Variants in TIAM1 observed in about 807,000 individuals in gnomAD.
TIAM1 encodes rho guanine nucleotide exchange factor TIAM1.
Under a neutral mutation model 163.5 loss-of-function variants are expected in TIAM1, and 65 were observed. The ratio of observed to expected loss-of-function variants is 0.40; its 90% confidence interval spans 0.33 to 0.49. The LOEUF (loss-of-function observed/expected upper bound fraction) is 0.49, where lower values mean the gene tolerates loss of function less well. Among genes scored for constraint, TIAM1 ranks in the 20% least tolerant of loss-of-function variants. The probability of loss-of-function intolerance (pLI) is 0.77; values close to 1 mark genes in which losing one functional copy is unlikely to be tolerated. For missense variants in TIAM1, 1,789 were observed against 2,044.7 expected, an observed-to-expected ratio of 0.87 and a Z score of 2.41; for synonymous variants, 833 against 810.1, an observed-to-expected ratio of 1.03 and a Z score of -0.48.
At chr21:31,165,094 G>A (rs1464972235) in intron 15 of TIAM1, 29 bp from the exon 16 acceptor site, 4 of 1,608,634 alleles carry the variant, frequency 2.5e-6, no homozygotes, top group East Asian at 4.5e-5. Context: ...AGAAAATGTG[G>A]GTCAACATGG....
At chr21:31,172,301 G>C (rs1164368545) in intron 15 of TIAM1, among the ~76,000 whole-genome samples, 1 of 151,594 alleles carries the variant, frequency 6.6e-6, no homozygotes, top group Non-Finnish European at 1.5e-5. Context: ...GGTCAAGTTT[G>C]TTTGTTTTTT....
rs1176611959 is a variant in TIAM1 at position 31,213,487 on chromosome 21, G to T, written c.2143-15C>A. On this transcript the variant is annotated splice_polypyrimidine_tract_variant and intron_variant, in intron 9 of 27. Transcript: ENST00000541036. ...TCTCCAAACACCTGCATATACAAAA[G>T]TACCACCTTAAAAAGGAATCTGGGC... is the stretch of plus-strand genomic sequence containing the variant. The T allele has an allele frequency of 6.2e-6, 10 of 1,612,992 alleles. No homozygotes were observed. The highest frequency in any genetic ancestry group is 8.5e-6 in the Non-Finnish European group (10 of 1,179,408).
chr21:31,379,058 A>G (rs1182052561), intron 2 of TIAM1, among the ~76,000 whole-genome samples: 2 of 152,054 alleles, frequency 1.3e-5, no homozygotes, highest in Non-Finnish European at 2.9e-5. Flanking sequence ...TGCAACCTCC[A>G]TTGCCCGGGT....
At chr21:31,150,187 C>T (rs1353146821) in intron 19 of TIAM1, among the ~76,000 whole-genome samples, 1 of 152,090 alleles carries the variant, frequency 6.6e-6, no homozygotes, top group Admixed American at 6.6e-5. Flanking sequence ...CAAAAATGAA[C>T]ACCTATAATA....
At chr21:31,250,151 G>GA (rs755928120) in intron 5 of TIAM1, among the ~76,000 whole-genome samples, 4,632 of 58,872 alleles carry the variant, frequency 0.079, 188 homozygotes, top group African/African-American at 0.17. Context: ...GTCTCAAACA[G>GA]AAAAAAAAAA....
intron 1 of TIAM1, among the ~76,000 whole-genome samples, chr21:31,514,908 G>A (rs2047331866): frequency 6.6e-6 from 1 of 152,226 alleles, no homozygotes; most frequent in East Asian, 1.9e-4. Flanking sequence ...GCCGATGTTA[G>A]GAGTTGGGAG....
intron 2 of TIAM1, among the ~76,000 whole-genome samples, chr21:31,326,021 C>A (rs1800839480): frequency 6.6e-6 from 1 of 152,134 alleles, no homozygotes; most frequent in Non-Finnish European, 1.5e-5. Context: ...CCCTCCAGAC[C>A]CTCCAGACCC....
intron 2 of TIAM1, among the ~76,000 whole-genome samples, chr21:31,324,797 C>T (rs2075431140): frequency 6.6e-6 from 1 of 152,106 alleles, no homozygotes; most frequent in African/African-American, 2.4e-5. Flanking sequence ...ATTTGGTTTC[C>T]AAACAACAAA....
intron 15 of TIAM1, among the ~76,000 whole-genome samples, chr21:31,176,936 A>G (rs1195007967): frequency 1.6e-4 from 24 of 152,176 alleles, no homozygotes; most frequent in Admixed American, 1.5e-3. Flanking sequence ...ATTCTAGACT[A>G]CAGCATTCAG....
intron 6 of TIAM1, among the ~76,000 whole-genome samples, chr21:31,244,091 T>C (rs907517089): frequency 6.6e-6 from 1 of 152,174 alleles, no homozygotes; most frequent in Non-Finnish European, 1.5e-5. Flanking sequence ...AGCAGTACAC[T>C]TATGTTGTGT....
chr21:31,546,420 C>T (rs530503201), intron 1 of TIAM1, among the ~76,000 whole-genome samples: 1 of 152,058 alleles, frequency 6.6e-6, no homozygotes, highest in Admixed American at 6.6e-5. Flanking sequence ...CATGGTGGCG[C>T]ATGCCTGTAA....
chr21:31,222,703 ATATATTTTTTTTTTTTT>A (rs1206230531), intron 8 of TIAM1, among the ~76,000 whole-genome samples: 28 of 43,274 alleles, frequency 6.5e-4, no homozygotes, highest in African/African-American at 3.2e-3. Context: ...ATATATATAT[ATATATTTTTTTTTTTTT>A]TTTTTTTTTT....
intron 3 of TIAM1, among the ~76,000 whole-genome samples, chr21:31,273,517 A>G (rs2073155767): frequency 6.6e-6 from 1 of 152,214 alleles, no homozygotes; most frequent in African/African-American, 2.4e-5. Flanking sequence ...AAAGCAGTAT[A>G]CCAAAGGCTT....
chr21:31,223,441 G>A lies in TIAM1; in HGVS notation c.1960C>T (p.Leu654Phe), dbSNP rs755390128. ...SRPTKVAMGR[L>F]GIFSVSSFHA... The stretch of plus-strand genomic sequence containing the variant: ...AACGATGATACCGAAAAGATTCCAA[G>A]GCGGCCCATGGCCACTTTCGTTGGT... The change falls in exon 8 of 28, where the codon CTT becomes TTT. Residue 654 changes from leucine (L) to phenylalanine (F), a missense_variant. Leu to Phe is a conservative substitution (Grantham distance 22, BLOSUM62 0). Around this residue, in one of 5 missense-constraint regions of TIAM1, gnomAD observed 456 missense variants for 586.6 expected, o/e 0.78. Transcript: ENST00000541036. The A allele has an allele frequency of 1.9e-6, 3 of 1,613,632 alleles. No individual in the cohort carries two copies. The highest frequency in any genetic ancestry group is 1.3e-5 in the African/African-American group (1 of 74,924).
chr21:31,362,376 A>C (rs1165310278), intron 2 of TIAM1, among the ~76,000 whole-genome samples: 3 of 151,760 alleles, frequency 2.0e-5, no homozygotes, highest in African/African-American at 7.3e-5. Context: ...AGAGATTCAA[A>C]CCAGCCACCC....
intron 2 of TIAM1, among the ~76,000 whole-genome samples, chr21:31,354,790 A>G (rs2076288224): frequency 6.6e-6 from 1 of 152,124 alleles, no homozygotes; most frequent in African/African-American, 2.4e-5. Flanking sequence ...GTTCAACCCT[A>G]TGCTCTCAGA....
chr21:31,470,297 G>A lies in TIAM1; in HGVS notation c.-421-6262C>T, dbSNP rs141995917. ...TGGGATTACAGGTGTGAGCTCCCAC[G>A]CCAGGCTGAAAACTTCAAATGTTAT... is the stretch of plus-strand genomic sequence containing the variant. On this transcript the variant is annotated intron_variant, in intron 1 of 28. Transcript: ENST00000286827. Among the ~76,000 whole-genome samples the A allele has an allele frequency of 2.4e-3, 345 of 141,598 alleles. 1 individual carries two copies. The highest frequency in any genetic ancestry group is 9.3e-3 in the Middle Eastern group (2 of 214). The allele number at this position is 141,598 out of a possible 152,430, so 92.9% of individuals were successfully genotyped here.
intron 1 of TIAM1, among the ~76,000 whole-genome samples, chr21:31,483,125 C>T (rs2046168934): frequency 6.6e-6 from 1 of 152,114 alleles, no homozygotes; most frequent in African/African-American, 2.4e-5. Flanking sequence ...TCCTGAAGTC[C>T]TCAGACTTAT....
At chr21:31,157,702 C>T (rs149445394) in intron 16 of TIAM1, among the ~76,000 whole-genome samples, 126 of 152,046 alleles carry the variant, frequency 8.3e-4, no homozygotes, top group African/African-American at 3.0e-3. Context: ...AGAGCAAACC[C>T]GAGTACCCAG....
Sources: gnomAD v4.1 joint callset for allele counts (sites outside exome capture counted in the v4.1 genomes callset) on GRCh38, gnomAD v4.1.1 for gene constraint, gnomAD v4.1.1 regional missense constraint, MANE v1.5 for transcripts, NCBI Gene and HGNC (gene_info 2026-07-23, HGNC 2026-07-21) for gene names.